Variants in THSD4 observed in about 807,000 individuals in gnomAD.
The protein encoded by THSD4 is thrombospondin type-1 domain-containing protein 4.
THSD4 carries 69 observed loss-of-function variants against 119.0 expected under a neutral mutation model. That is an observed-to-expected ratio of 0.58 (90% CI 0.48 to 0.71). The LOEUF (loss-of-function observed/expected upper bound fraction) is 0.71. THSD4 is among the 30% of genes least tolerant of loss of function. THSD4 has a pLI of 0.00. For synonymous variants in THSD4, 524 were observed against 540.4 expected, an observed-to-expected ratio of 0.97 and a Z score of 0.42; for missense variants, 1,393 against 1,391.1, an observed-to-expected ratio of 1.00 and a Z score of -0.02.
chr15:71,558,597 T>C (rs1470275415), intron 7 of THSD4, among the ~76,000 whole-genome samples: 1 of 152,088 alleles, frequency 6.6e-6, no homozygotes, highest in East Asian at 1.9e-4. Flanking sequence ...GCTTCCCCAG[T>C]AGCTGGGACC....
At chr15:71,538,126 TATAA>T (rs1219737423) in intron 7 of THSD4, among the ~76,000 whole-genome samples, 1 of 152,166 alleles carries the variant, frequency 6.6e-6, no homozygotes, top group Non-Finnish European at 1.5e-5. Flanking sequence ...TATACAAATA[TATAA>T]ATATTTTCTT....
At chr15:71,346,364 T>G (rs983091606) in intron 6 of THSD4, among the ~76,000 whole-genome samples, 1 of 152,336 alleles carries the variant, frequency 6.6e-6, no homozygotes, top group South Asian at 2.1e-4. Flanking sequence ...GCTCCTTTAT[T>G]CAGCCATTTA....
At chr15:71,447,058 G>C (rs1169531879) in intron 7 of THSD4, among the ~76,000 whole-genome samples, 1 of 150,502 alleles carries the variant, frequency 6.6e-6, no homozygotes, top group African/African-American at 2.5e-5. Flanking sequence ...GAAGGGGGAA[G>C]TGCCCAGTGG....
chr15:71,243,661 T>C (rs2044173777), intron 5 of THSD4, among the ~76,000 whole-genome samples: 1 of 152,182 alleles, frequency 6.6e-6, no homozygotes, highest in Non-Finnish European at 1.5e-5. Context: ...CTCATGCATA[T>C]ATATACAGGT....
At chr15:71,386,816 G>A (rs1464229923) in intron 6 of THSD4, among the ~76,000 whole-genome samples, 1 of 152,212 alleles carries the variant, frequency 6.6e-6, no homozygotes, top group Non-Finnish European at 1.5e-5. Flanking sequence ...TCCTAATTCA[G>A]AGGGTTAGCT....
At position 71,406,611 on chromosome 15, in the gene THSD4, T is replaced by C. The variant is rs192135949; in HGVS notation, c.1016-5076T>C. Among the ~76,000 whole-genome samples the C allele has an allele frequency of 1.6e-3, 236 of 152,176 alleles. 2 individuals are homozygous for C. Among genetic ancestry groups the C allele is most frequent in the African/African-American group, 5.3e-3 (221 of 41,534 alleles). On this transcript the variant is annotated intron_variant, in intron 6 of 17. Coordinates refer to ENST00000261862, the MANE Select transcript of THSD4 (RefSeq NM_024817.3). ...TTGAAACTACCGTTGTATTATTGTC[T>C]ATTTCTTCTTTCAGTTCTCTCAGGT...
chr15:71,417,347 G>A (rs112555167), intron 7 of THSD4, among the ~76,000 whole-genome samples: 1 of 107,844 alleles, frequency 9.3e-6, no homozygotes, highest in Non-Finnish European at 2.0e-5. Flanking sequence ...ATGTTTTCTT[G>A]TAGTAGTTTC....
intron 8 of THSD4, among the ~76,000 whole-genome samples, chr15:71,711,260 C>T (rs183149513): frequency 8.2e-4 from 124 of 151,808 alleles, no homozygotes; most frequent in African/African-American, 2.9e-3. Context: ...TTTAGGTTCA[C>T]GGAAAAACCG....
At chr15:71,365,844 T>C (rs557834236) in intron 6 of THSD4, among the ~76,000 whole-genome samples, 17 of 152,258 alleles carry the variant, frequency 1.1e-4, no homozygotes, top group Admixed American at 1.1e-3. Flanking sequence ...CACTCTCAAG[T>C]CATCAAGACT....
At chr15:71,657,940 C>T (rs1269377387) in intron 7 of THSD4, among the ~76,000 whole-genome samples, 1 of 152,142 alleles carries the variant, frequency 6.6e-6, no homozygotes, top group African/African-American at 2.4e-5. Context: ...AGTGTAATTT[C>T]CTTGTGATAG....
At chr15:71,654,135 G>A (rs1478660455) in intron 7 of THSD4, among the ~76,000 whole-genome samples, 1 of 152,158 alleles carries the variant, frequency 6.6e-6, no homozygotes, top group Non-Finnish European at 1.5e-5. Flanking sequence ...GGGAGTGTTT[G>A]TGTTCTAATA....
intron 6 of THSD4, among the ~76,000 whole-genome samples, chr15:71,282,243 A>T (rs1276066158): frequency 6.6e-6 from 1 of 152,070 alleles, no homozygotes; most frequent in African/African-American, 2.4e-5. Context: ...CATTTTCCCA[A>T]ATGAGGAATG....
At chr15:71,498,081 A>G (rs950533184) in intron 7 of THSD4, among the ~76,000 whole-genome samples, 1 of 152,228 alleles carries the variant, frequency 6.6e-6, no homozygotes, top group African/African-American at 2.4e-5. Flanking sequence ...TTGGTGATAG[A>G]AATCGAATAC....
At chr15:71,525,755 C>T (rs968178416) in intron 7 of THSD4, among the ~76,000 whole-genome samples, 2 of 152,192 alleles carry the variant, frequency 1.3e-5, no homozygotes, top group African/African-American at 4.8e-5. Context: ...TTTGGAGATA[C>T]ATTCTTTGCA....
At chr15:71,310,291 A>G (rs2045093804) in intron 6 of THSD4, among the ~76,000 whole-genome samples, 1 of 152,196 alleles carries the variant, frequency 6.6e-6, no homozygotes, top group Non-Finnish European at 1.5e-5. Context: ...GATGCCTGGA[A>G]CATATGTAAA....
intron 8 of THSD4, among the ~76,000 whole-genome samples, chr15:71,670,899 A>T (rs940145366): frequency 6.6e-6 from 1 of 152,116 alleles, no homozygotes; most frequent in African/African-American, 2.4e-5. Context: ...TCTATCAGTG[A>T]TGGACATTTG....
chr15:71,192,418 G>A (rs1445236006), intron 3 of THSD4, among the ~76,000 whole-genome samples: 1 of 151,894 alleles, frequency 6.6e-6, no homozygotes, highest in East Asian at 1.9e-4. Context: ...GAGTGGCTGG[G>A]ATTACAGATG....
intron 7 of THSD4, among the ~76,000 whole-genome samples, chr15:71,657,109 A>G (rs2051206712): frequency 1.3e-5 from 2 of 152,192 alleles, no homozygotes; most frequent in African/African-American, 4.8e-5. Context: ...GACATAGAGC[A>G]TGCAAGCGTT....
Position 71,498,751 on chromosome 15 carries a change from A to C in THSD4, c.1152+86928A>C, listed in dbSNP as rs1193727528. Among the ~76,000 whole-genome samples the C allele has an allele frequency of 2.0e-5, 3 of 152,216 alleles. No individual in the cohort carries two copies. The South Asian group carries it at 6.2e-4, about 32-fold the overall frequency. On this transcript the variant is annotated intron_variant, in intron 7 of 17. Coordinates refer to ENST00000261862, the MANE Select transcript of THSD4 (RefSeq NM_024817.3). ...CACTTTGTCACCCAGGCTGGACAGCAGTGGCATGATCATGGCTCACAGCAG... is the reference window on the plus strand; with the variant it reads ...CACTTTGTCACCCAGGCTGGACAGCCGTGGCATGATCATGGCTCACAGCAG...
Sources: gnomAD v4.1 joint callset for allele counts (sites outside exome capture counted in the v4.1 genomes callset) on GRCh38, gnomAD v4.1.1 for gene constraint, MANE v1.5 for transcripts, NCBI Gene and HGNC (gene_info 2026-07-23, HGNC 2026-07-21) for gene names.